Variants in CDC14A observed in about 807,000 individuals in gnomAD.
CDC14A encodes cell division cycle 14A.
A neutral mutation model predicts 74.4 loss-of-function variants in CDC14A; 53 were observed. The observed-to-expected ratio is 0.71, with a 90% confidence interval of 0.57 to 0.89. The LOEUF (loss-of-function observed/expected upper bound fraction) is 0.89, where lower values mean the gene tolerates loss of function less well. Ranked by LOEUF, CDC14A falls within the 40% of genes least tolerant of loss-of-function variation. CDC14A has a pLI of 0.00. For synonymous variants in CDC14A, 247 were observed against 258.4 expected, an observed-to-expected ratio of 0.96 and a Z score of 0.43; for missense variants, 646 against 713.7, an observed-to-expected ratio of 0.91 and a Z score of 1.08.
chr1:100,432,547 G>T (rs1389090433), intron 5 of CDC14A, among the ~76,000 whole-genome samples: 1 of 152,106 alleles, frequency 6.6e-6, no homozygotes, highest in East Asian at 1.9e-4. Flanking sequence ...TGTAATCCCA[G>T]GCTGAGGCCA....
upstream of CDC14A, chr1:100,352,461 G>A (rs945438161): frequency 4.9e-6 from 5 of 1,012,064 alleles, no homozygotes; most frequent in African/African-American, 3.5e-5. Context: ...GGGAGGAGGA[G>A]GAGGAAGAGT....
chr1:100,351,897 C>G (rs1651054926), upstream of CDC14A: 1 of 1,194,746 alleles, frequency 8.4e-7, no homozygotes, highest in Non-Finnish European at 1.2e-6. Flanking sequence ...TGCAGACCCC[C>G]TCAGTGTTGG....
At position 100,468,114 on chromosome 1, in the gene CDC14A, T is replaced by A. The variant is rs1280827091; in HGVS notation, c.977+20T>A. On this transcript the variant is annotated intron_variant, in intron 10 of 15. Coordinates refer to ENST00000336454, the MANE Select transcript of CDC14A (RefSeq NM_003672.4). ...GGAAGAGTAAGTATATTGTCCCCAT[T>A]ACCACATTATATCCTGTTCTTGATC... The A allele has an allele frequency of 3.7e-6, 6 of 1,613,042 alleles. No individual in the cohort carries two copies. The highest frequency in any genetic ancestry group is 5.1e-6 in the Non-Finnish European group (6 of 1,179,488).
At chr1:100,463,023 A>C in intron 9 of CDC14A, 142 bp downstream of exon 9, 19 of 633,336 alleles carry the variant, frequency 3.0e-5, no homozygotes, top group Non-Finnish European at 4.4e-5. Context: ...ACACAAACTC[A>C]TTTTAATAAC....
At chr1:100,352,016 G>GCGCGCC (rs1476943432), upstream of CDC14A, among the ~76,000 whole-genome samples, 1 of 151,488 alleles carries the variant, frequency 6.6e-6, no homozygotes, top group Non-Finnish European at 1.5e-5. Context: ...GCGCGCGCGC[G>GCGCGCC]CCCTACAAGA....
chr1:100,387,573 A>C (rs1162315692), intron 3 of CDC14A, among the ~76,000 whole-genome samples: 2 of 152,216 alleles, frequency 1.3e-5, no homozygotes, highest in Non-Finnish European at 2.9e-5. Context: ...CTCATAGGAA[A>C]TATTTTAAAA....
Position 100,390,758 on chromosome 1 carries a change from A to C in CDC14A, c.243A>C (p.Ile81=). ...CATACAGTTTGTCAAGAAAGAAAAT[A>C]GTGCACTACACCTGTTTTGACCAAC... ...LKSYSLSRKK[I]VHYTCFDQRK... The change falls in exon 4 of 16, where the codon ATA becomes ATC. Residue 81 remains isoleucine, a synonymous_variant. Transcript: ENST00000336454. The C allele has an allele frequency of 6.2e-7, 1 of 1,612,628 alleles. No homozygotes were observed. The highest frequency in any genetic ancestry group is 8.5e-7 in the Non-Finnish European group (1 of 1,179,012).
At chr1:100,411,047 A>G (rs1039456099) in intron 4 of CDC14A, among the ~76,000 whole-genome samples, 2 of 152,162 alleles carry the variant, frequency 1.3e-5, no homozygotes, top group Non-Finnish European at 2.9e-5. Flanking sequence ...AGGAACCGAT[A>G]CATCTTAGAG....
intron 15 of CDC14A, among the ~76,000 whole-genome samples, chr1:100,500,167 C>T (rs1454781693): frequency 6.6e-6 from 1 of 152,118 alleles, no homozygotes; most frequent in African/African-American, 2.4e-5. Flanking sequence ...GAAATCAATC[C>T]TATGTATTAA....
At chr1:100,458,188 C>G (rs188524285) in intron 8 of CDC14A, among the ~76,000 whole-genome samples, 1 of 152,206 alleles carries the variant, frequency 6.6e-6, no homozygotes, top group Non-Finnish European at 1.5e-5. Flanking sequence ...CAGGAATTAC[C>G]TAACTTGTCC....
intron 4 of CDC14A, among the ~76,000 whole-genome samples, chr1:100,418,442 A>T (rs1307700003): frequency 6.6e-6 from 1 of 152,202 alleles, no homozygotes; most frequent in Non-Finnish European, 1.5e-5. Flanking sequence ...AAGGGTGAGG[A>T]GTCCAGGCTA....
At chr1:100,411,828 CAAAT>C (rs1354137864) in intron 4 of CDC14A, among the ~76,000 whole-genome samples, 1 of 152,108 alleles carries the variant, frequency 6.6e-6, no homozygotes, top group African/African-American at 2.4e-5. Flanking sequence ...GAGAAACAAA[CAAAT>C]AAGAGGTCAG....
chr1:100,352,808 C>T lies in CDC14A; in HGVS notation c.-147C>T. On this transcript the variant is annotated 5_prime_UTR_variant, in exon 1 of 16. Transcript: ENST00000336454. The stretch of plus-strand genomic sequence containing the variant: ...CGGCGCGCTGACCCCGAAGCCGCCT[C>T]CGCCTTCGGCGCCTGCTGCCTCCCT... The T allele has an allele frequency of 4.1e-6, 6 of 1,456,050 alleles. No homozygotes were observed. The highest frequency in any genetic ancestry group is 5.4e-6 in the Non-Finnish European group (6 of 1,110,404). 90.2% of individuals were successfully genotyped at this position (1,456,050 alleles called of 1,614,324 possible).
intron 10 of CDC14A, among the ~76,000 whole-genome samples, chr1:100,468,652 A>G (rs1668084830): frequency 6.6e-6 from 1 of 152,226 alleles, no homozygotes; most frequent in South Asian, 2.1e-4. Flanking sequence ...ATACTTATGT[A>G]TTCACTCATT....
intron 11 of CDC14A, among the ~76,000 whole-genome samples, chr1:100,494,239 G>T (rs1281418769): frequency 2.6e-5 from 4 of 152,118 alleles, no homozygotes; most frequent in African/African-American, 9.7e-5. Flanking sequence ...GAAGAGACTA[G>T]CATGGTACTT....
At chr1:100,402,152 T>A (rs1364028136) in intron 4 of CDC14A, among the ~76,000 whole-genome samples, 2 of 146,486 alleles carry the variant, frequency 1.4e-5, no homozygotes, top group Admixed American at 7.0e-5. Flanking sequence ...AAAAAAAAAA[T>A]CGGAAAGGAG....
chr1:100,397,873 T>C (rs1178593302), intron 4 of CDC14A, among the ~76,000 whole-genome samples: 1 of 152,228 alleles, frequency 6.6e-6, no homozygotes, highest in Admixed American at 6.5e-5. Context: ...TTTTAGACTG[T>C]CTAACCATGT....
chr1:100,385,983 A>G (rs1656800635), intron 3 of CDC14A, among the ~76,000 whole-genome samples: 2 of 152,078 alleles, frequency 1.3e-5, no homozygotes, highest in African/African-American at 4.8e-5. Context: ...CCTGGCCAAC[A>G]TGGTGAAACC....
intron 9 of CDC14A, among the ~76,000 whole-genome samples, chr1:100,465,650 A>G (rs1432854206): frequency 6.6e-6 from 1 of 152,240 alleles, no homozygotes; most frequent in Non-Finnish European, 1.5e-5. Flanking sequence ...CCTCAACGTA[A>G]AGTATTTTAT....
Sources: gnomAD v4.1 joint callset for allele counts (sites outside exome capture counted in the v4.1 genomes callset) on GRCh38, gnomAD v4.1.1 for gene constraint, MANE v1.5 for transcripts, NCBI Gene and HGNC (gene_info 2026-07-23, HGNC 2026-07-21) for gene names.